The following KLC3 variants were observed in gnomAD, a reference collection of about 807,000 sequenced individuals.
KLC3 encodes the protein kinesin light chain 3, also known as kinesin light chain 2.
In KLC3, 72 loss-of-function variants were observed where a neutral mutation model predicts 62.9. The observed-to-expected ratio is 1.15, with a 90% CI of 0.95 to 1.39. The LOEUF (loss-of-function observed/expected upper bound fraction) is 1.39, where lower values mean the gene tolerates loss of function less well. Ranked by LOEUF, KLC3 falls within the 40% of genes most tolerant of loss-of-function variation. The pLI is 0.00. For synonymous variants in KLC3, 377 were observed against 300.5 expected, an observed-to-expected ratio of 1.25 and a Z score of -2.63; for missense variants, 848 against 691.6, an observed-to-expected ratio of 1.23 and a Z score of -2.54.
At position 45,350,433 on chromosome 19, in the gene KLC3, TGAGCCCC is replaced by T. The variant is rs745619187; in HGVS notation, c.1234+3_1234+9del. The T allele has an allele frequency of 6.2e-7, 1 of 1,610,638 alleles. No individual in the cohort carries two copies. The highest frequency in any genetic ancestry group is 8.5e-7 in the Non-Finnish European group (1 of 1,176,990). ...AGGAGGACCTACCCGCCCCTCTCGGTGAGCCCCTAGCCCCTGTCTGTCTTCCCTCCTG... is the reference window on the plus strand; with the variant it reads ...AGGAGGACCTACCCGCCCCTCTCGGTTAGCCCCTGTCTGTCTTCCCTCCTG... On this transcript the variant is annotated splice_donor_5th_base_variant and intron_variant, in intron 9 of 12. Transcript: ENST00000391946.
chr19:45,342,996 C>T (rs541270131), intron 1 of KLC3, among the ~76,000 whole-genome samples: 138 of 152,290 alleles, frequency 9.1e-4, no homozygotes, highest in African/African-American at 3.0e-3. Context: ...CATCCCTCCA[C>T]GCGTATTCAC....
Position 45,346,614 on chromosome 19 carries a change from G to T in KLC3, c.329G>T (p.Arg110Leu). The stretch of plus-strand genomic sequence containing the variant: ...AAGCAGCGGCTGCGCTCGCAGGCCC[G>T]GCGGCTGGCCCAGGAGAACGTGTGG... ...AEKQRLRSQARRLAQENVWLR... is the reference protein window; with the variant it reads ...AEKQRLRSQALRLAQENVWLR... Residue 110 changes from arginine to leucine, a missense_variant, in exon 3 of 13, where the codon CGG becomes CTG. Transcript: ENST00000391946. 1 of 1,550,812 alleles carries T rather than the reference G, an allele frequency of 6.4e-7. No individual in the cohort carries two copies. The highest frequency in any genetic ancestry group is 8.7e-7 in the Non-Finnish European group (1 of 1,147,172).
intron 6 of KLC3, 21 bp downstream of exon 6, chr19:45,348,754 ACGAAGTGGGGT>A (rs1418716525): frequency 1.9e-6 from 3 of 1,570,568 alleles, no homozygotes; most frequent in Non-Finnish European, 1.7e-6. Flanking sequence ...CCCCAGGGAG[ACGAAGTGGGGT>A]CAAAGTGGGG....
At chr19:45,349,701 G>GGGGGT in intron 8 of KLC3, 99 bp downstream of exon 8, 1 of 807,902 alleles carries the variant, frequency 1.2e-6, no homozygotes, top group Non-Finnish European at 1.8e-6. Flanking sequence ...GAGGGTGGGG[G>GGGGGT]GGGGCCCCCC....
chr19:45,349,702 G>GGGCCCCCCAGGCC (rs1971621436), intron 8 of KLC3, 100 bp downstream of exon 8: 47 of 813,332 alleles, frequency 5.8e-5, no homozygotes, highest in Non-Finnish European at 7.6e-5. Context: ...AGGGTGGGGG[G>GGGCCCCCCAGGCC]GGGCCCCCCA....
chr19:45,344,548 C>CGT (rs1181055258), intron 1 of KLC3, among the ~76,000 whole-genome samples: 1 of 150,708 alleles, frequency 6.6e-6, no homozygotes, highest in South Asian at 2.1e-4. Flanking sequence ...AGGGAGAGTG[C>CGT]GTGTGTGTGT....
chr19:45,348,830 C>A lies in KLC3; in HGVS notation c.878C>A (p.Thr293Lys). 6.4e-7 allele frequency: 1 copy of A among 1,569,082 alleles called. No individual in the cohort carries two copies. Among genetic ancestry groups the A allele is most frequent in the Non-Finnish European group, 8.6e-7 (1 of 1,156,902 alleles). The change falls in exon 7 of 13, where the codon ACG becomes AAG. Residue 293 changes from threonine (T) to lysine (K), a missense_variant. By Grantham distance (78) the Thr-to-Lys change is moderately conservative (BLOSUM62 -1). Coordinates refer to ENST00000391946, the MANE Select transcript of KLC3 (RefSeq NM_177417.3). ...CCCCCAACCCCGCAGGTGGCCGCCA[C>A]GCTCAACAACTTGGCTGTCCTCTAT... ...LGPEHPAVAA[T>K]LNNLAVLYGK...
rs964634328 is a variant in KLC3 at position 45,348,444 on chromosome 19, C to G, written c.780-202C>G. 9.9e-5 allele frequency among the ~76,000 whole-genome samples: 15 copies of G among 152,236 alleles called. No homozygotes were observed. In the East Asian group the frequency reaches 2.9e-3, roughly 29 times the overall value. ...GCAGGAGACCTGGGGTGGCTAGAAGCTTGGCAGAGGTCTGGGGGTACAGGG... is the reference window on the plus strand; with the variant it reads ...GCAGGAGACCTGGGGTGGCTAGAAGGTTGGCAGAGGTCTGGGGGTACAGGG... On this transcript the variant is annotated intron_variant, in intron 5 of 12. Transcript: ENST00000391946.
intron 8 of KLC3, 128 bp from the exon 9 acceptor site, chr19:45,350,213 G>C (rs1971659565): frequency 1.5e-6 from 1 of 682,504 alleles, no homozygotes; most frequent in Non-Finnish European, 2.5e-6. Context: ...CTTGAGGCTA[G>C]GAGTTCAAGA....
Position 45,349,167 on chromosome 19 carries a change from C to A in KLC3, c.969+246C>A, listed in dbSNP as rs1476201363. Among the ~76,000 whole-genome samples, 3 of 152,232 alleles carry A rather than the reference C, an allele frequency of 2.0e-5. No homozygotes were observed. The South Asian group carries it at 6.2e-4, about 32-fold the overall frequency. On this transcript the variant is annotated intron_variant, in intron 7 of 12. Transcript: ENST00000391946. Reference sequence around the variant, plus strand: ...CCCTCCAACTGGGTCCCCCCATAGCCTTTCCAACCCCTCATGGCCACCAGC... The same window carrying A: ...CCCTCCAACTGGGTCCCCCCATAGCATTTCCAACCCCTCATGGCCACCAGC...
intron 8 of KLC3, 79 bp from the exon 9 acceptor site, chr19:45,350,262 A>C: frequency 1.2e-6 from 1 of 805,222 alleles, no homozygotes; most frequent in Non-Finnish European, 1.8e-6. Context: ...GTCTCTACAA[A>C]AAAAAAAAAA....
chr19:45,350,260 A>T, intron 8 of KLC3, 81 bp from the exon 9 acceptor site: 15 of 31,104 alleles, frequency 4.8e-4, no homozygotes, highest in Middle Eastern at 5.5e-3. Context: ...CTGTCTCTAC[A>T]AAAAAAAAAA....
rs1197445498 is a variant in KLC3 at position 45,347,501 on chromosome 19, G to A, written c.544G>A (p.Glu182Lys). 3.7e-6 allele frequency: 6 copies of A among 1,612,496 alleles called. No individual in the cohort carries two copies. The highest frequency in any genetic ancestry group is 2.2e-5 in the East Asian group (1 of 44,850). ...CCTGGCCTCCCTGTTCCCCAGCGAG[G>A]AGGAGGAGAGGAAAGGTGGGTGTTG... ...DSLASLFPSEEEERKGPEAAG... is the reference protein window; with the variant it reads ...DSLASLFPSEKEERKGPEAAG... Residue 182 changes from glutamate (E) to lysine (K), a missense_variant, in exon 4 of 13, where the codon GAG becomes AAG. Physicochemically the swap from Glu to Lys is moderately conservative, Grantham distance 56. Coordinates refer to ENST00000391946, the MANE Select transcript of KLC3 (RefSeq NM_177417.3).
Position 45,341,578 on chromosome 19 carries a change from T to TGCGCGCGCGC in KLC3, c.-9+734_-9+743dup, listed in dbSNP as rs200152688. Reference sequence around the variant, plus strand: ...TGGTGTGTGTGTGTGTGTGTGTGTGTGCGCGCGCGCGTGTGGTGGACAGTG... The same window carrying TGCGCGCGCGC: ...TGGTGTGTGTGTGTGTGTGTGTGTGTGCGCGCGCGCGCGCGCGCGCGTGTGGTGGACAGTG... On this transcript the variant is annotated intron_variant, in intron 1 of 12. Coordinates refer to ENST00000391946, the MANE Select transcript of KLC3 (RefSeq NM_177417.3). Among the ~76,000 whole-genome samples, 412 of 139,866 alleles carry TGCGCGCGCGC rather than the reference T, an allele frequency of 2.9e-3. 4 individuals are homozygous for TGCGCGCGCGC. The highest frequency in any genetic ancestry group is 0.015 in the Middle Eastern group (4 of 266). The allele number at this position is 139,866 out of a possible 152,430, so 91.8% of individuals were successfully genotyped here. A position where few individuals can be genotyped will look rare whatever the true frequency, so the allele number is the denominator to read the frequency against.
At chr19:45,341,332 C>T (rs1244125864) in intron 1 of KLC3, among the ~76,000 whole-genome samples, 2 of 151,994 alleles carry the variant, frequency 1.3e-5, no homozygotes. Flanking sequence ...AATGTGAAAA[C>T]GTGGGCGACC....
rs1294668195 is a variant in KLC3 at position 45,351,358 on chromosome 19, C to T, written c.*1C>T. On this transcript the variant is annotated 3_prime_UTR_variant, in exon 13 of 13. Coordinates refer to ENST00000391946, the MANE Select transcript of KLC3 (RefSeq NM_177417.3). The stretch of plus-strand genomic sequence containing the variant: ...CACCCAGGACCTGAGCCCCCACTAA[C>T]GTCCAGTGAACTGCGCTGGCCGCAG... The T allele has an allele frequency of 8.7e-6, 14 of 1,610,666 alleles. No individual in the cohort carries two copies. Among genetic ancestry groups the T allele is most frequent in the South Asian group, 7.7e-5 (7 of 91,072 alleles).
Position 45,345,435 on chromosome 19 carries a change from G to A in KLC3, c.-8-99G>A. ...GAGCAGGGAAGAGCCAGGATGGGGA[G>A]AAGTTAGGGGTCCTGATGGCCATTA... On this transcript the variant is annotated intron_variant, in intron 1 of 12. Transcript: ENST00000391946. The A allele has an allele frequency of 6.7e-6, 10 of 1,482,274 alleles. No homozygotes were observed. In the South Asian group the frequency reaches 9.8e-5, roughly 15 times the overall value. 91.8% of individuals were successfully genotyped at this position (1,482,274 alleles called of 1,614,324 possible). A position where few individuals can be genotyped will look rare whatever the true frequency, so the allele number is the denominator to read the frequency against.
chr19:45,348,646 G>A lies in KLC3; in HGVS notation c.780G>A (p.Arg260=), dbSNP rs762997304. The A allele has an allele frequency of 3.2e-6, 5 of 1,574,560 alleles. No homozygotes were observed. Among genetic ancestry groups the A allele is most frequent in the Non-Finnish European group, 4.3e-6 (5 of 1,160,390 alleles). The part of the protein sequence containing the change: ...TMLNILALVY[R]DQNKYKEATD... The stretch of plus-strand genomic sequence containing the variant: ...TCCATTCCTGGGGCGCCCCCCACAG[G>A]GACCAGAACAAGTACAAAGAAGCCA... The change falls in exon 6 of 13, where the codon CGG becomes CGA. Residue 260 remains arginine (R), a splice_region_variant and synonymous_variant. Transcript: ENST00000391946.
chr19:45,350,574 C>T, intron 10 of KLC3, 23 bp downstream of exon 10: 2 of 1,613,990 alleles, frequency 1.2e-6, no homozygotes, highest in Non-Finnish European at 1.7e-6. Flanking sequence ...TGTGCTTCGG[C>T]TCCTGGGGTG....
Sources: allele counts gnomAD v4.1 joint callset (sites outside exome capture counted in the v4.1 genomes callset), GRCh38; gene constraint gnomAD v4.1.1; transcripts MANE v1.5; gene names NCBI Gene and HGNC (gene_info 2026-07-23, HGNC 2026-07-21).